Variants in TEX101 observed in about 807,000 individuals in gnomAD.
The protein encoded by TEX101 is testis expressed 101, also known as testis-expressed protein 101.
In TEX101, 10 loss-of-function variants were observed where a neutral mutation model predicts 18.1. That is an observed-to-expected ratio of 0.55 (90% CI 0.34 to 0.94). The LOEUF (loss-of-function observed/expected upper bound fraction) is 0.94. TEX101 is among the 40% of genes least tolerant of loss of function. The pLI, the probability that TEX101 is intolerant of heterozygous loss-of-function variation, is 0.02. For missense variants in TEX101, 259 were observed against 298.9 expected, an observed-to-expected ratio of 0.87 and a Z score of 0.98; for synonymous variants, 94 against 114.8, an observed-to-expected ratio of 0.82 and a Z score of 1.16.
upstream of TEX101, among the ~76,000 whole-genome samples, chr19:43,411,386 T>G (rs995157433): frequency 6.6e-6 from 1 of 151,886 alleles, no homozygotes; most frequent in African/African-American, 2.4e-5. Context: ...CATTAGAAAG[T>G]TTTAAACAGG....
upstream of TEX101, among the ~76,000 whole-genome samples, chr19:43,399,133 C>T (rs986115624): frequency 1.1e-4 from 17 of 152,188 alleles, no homozygotes; most frequent in African/African-American, 4.1e-4. Context: ...ATTTCACTGA[C>T]TTCACTCTAA....
exon 3 of TEX101, chr19:43,406,338 AGACGCTATTCC>A: frequency 1.7e-6 from 1 of 601,298 alleles, no homozygotes; most frequent in Non-Finnish European, 3.0e-6. Context: ...GCGAATGGAT[AGACGCTATTCC>A]CACCGTCCCT....
At chr19:43,406,401 C>A (rs112447525) in exon 3 of TEX101, 2 of 716,598 alleles carry the variant, frequency 2.8e-6, no homozygotes, top group South Asian at 1.5e-5. Flanking sequence ...ACAGGCTTGG[C>A]GGAACCTGCG....
upstream of TEX101, among the ~76,000 whole-genome samples, chr19:43,414,289 A>C (rs1209044549): frequency 6.6e-6 from 1 of 152,202 alleles, no homozygotes; most frequent in Non-Finnish European, 1.5e-5. Flanking sequence ...CTGTGCCATC[A>C]TAGCTACTGC....
At chr19:43,414,631 G>A (rs1031252827), upstream of TEX101, among the ~76,000 whole-genome samples, 2 of 152,206 alleles carry the variant, frequency 1.3e-5, no homozygotes, top group African/African-American at 4.8e-5. Context: ...AATGGGCCAG[G>A]CGAGGCCATC....
chr19:43,390,367 G>A, the TEX101 span, among the ~76,000 whole-genome samples: 1 of 149,738 alleles, frequency 6.7e-6, no homozygotes, highest in Non-Finnish European at 1.5e-5. Context: ...AAAACAATAG[G>A]AATTATTGTA....
chr19:43,408,219 G>C (rs11669789), intron 3 of TEX101, among the ~76,000 whole-genome samples: 39,175 of 152,196 alleles, frequency 0.26, 5,565 homozygotes, highest in East Asian at 0.58. Context: ...TGCGCTTCCG[G>C]GGGTGGAGAG....
upstream of TEX101, among the ~76,000 whole-genome samples, chr19:43,410,959 C>G (rs1192072263): frequency 6.6e-6 from 1 of 152,206 alleles, no homozygotes; most frequent in African/African-American, 2.4e-5. Flanking sequence ...CAACTGCAAC[C>G]TCCACCTCCT....
the TEX101 span, among the ~76,000 whole-genome samples, chr19:43,389,374 G>A: frequency 4.6e-5 from 7 of 152,226 alleles, no homozygotes; most frequent in Admixed American, 3.9e-4. Flanking sequence ...GCATGGCACC[G>A]ATTTGCTTTT....
At chr19:43,417,030 C>CA (rs746528568) in intron 4 of TEX101, among the ~76,000 whole-genome samples, 6,563 of 70,334 alleles carry the variant, frequency 0.093, 555 homozygotes, top group African/African-American at 0.26. Context: ...AAGACTCCAT[C>CA]AAAAAAAAAA....
Position 43,418,355 on chromosome 19 carries a change from ACTG to A in TEX101, c.713_715del (p.Leu238del). Reference sequence around the variant, plus strand: ...CCATTCCTGTTTGGGGGTTACAGCTACTGCTGCCATTGCTGCTGCCATCATTTA... The same window carrying A: ...CCATTCCTGTTTGGGGGTTACAGCTACTGCCATTGCTGCTGCCATCATTTA... On this transcript the variant is annotated inframe_deletion, in exon 6 of 6. Coordinates refer to ENST00000598265, the MANE Select transcript of TEX101 (RefSeq NM_001130011.3). 6.2e-7 allele frequency: 1 copy of A among 1,614,092 alleles called. No individual in the cohort carries two copies. Among genetic ancestry groups the A allele is most frequent in the Non-Finnish European group, 8.5e-7 (1 of 1,179,974 alleles).
Position 43,406,633 on chromosome 19 carries a change from C to T in TEX101, c.15+114C>T, listed in dbSNP as rs953085064. ...AGAGACTCTGGCTTCTGGCGCCAAG[C>T]CTTAGCCAAGCTCACCAGGGGCAGC... is the stretch of plus-strand genomic sequence containing the variant. On this transcript the variant is annotated intron_variant, in intron 3 of 7. Coordinates refer to the TEX101 transcript ENST00000602198. The T allele has an allele frequency of 5.1e-6, 3 of 586,874 alleles. No homozygotes were observed. In the East Asian group the frequency reaches 9.5e-5, roughly 19 times the overall value. 36.4% of individuals were successfully genotyped at this position (586,874 alleles called of 1,614,324 possible).
rs1393928038 is a variant in TEX101 at position 43,416,490 on chromosome 19, G to C, written c.326G>C (p.Cys109Ser). 1.9e-6 allele frequency: 3 copies of C among 1,614,070 alleles called. No homozygotes were observed. Among genetic ancestry groups the C allele is most frequent in the African/African-American group, 1.3e-5 (1 of 74,932 alleles). The change falls in exon 4 of 6, where the codon TGT becomes TCT. Residue 109 changes from cysteine to serine, a missense_variant. Transcript: ENST00000598265. ...GLIVTSYSNYCEDSFCNDKDS... is the reference protein window; with the variant it reads ...GLIVTSYSNYSEDSFCNDKDS... ...ATCGTGACCTCCTACAGTAACTACT[G>C]TGAGGATTCCTTCTGTAATGACAAA... is the stretch of plus-strand genomic sequence containing the variant.
At chr19:43,393,706 T>C in the TEX101 span, among the ~76,000 whole-genome samples, 6 of 152,096 alleles carry the variant, frequency 3.9e-5, no homozygotes, top group African/African-American at 1.4e-4. Flanking sequence ...ATAACATGGA[T>C]TGTTAATTTA....
intron 3 of TEX101, among the ~76,000 whole-genome samples, chr19:43,407,030 C>T (rs1317845087): frequency 6.7e-6 from 1 of 149,536 alleles, no homozygotes; most frequent in East Asian, 2.0e-4. Flanking sequence ...ATGTGATCGG[C>T]GCTTAAGTGA....
the TEX101 span, among the ~76,000 whole-genome samples, chr19:43,394,353 GATT>G: frequency 5.5e-4 from 83 of 152,178 alleles, no homozygotes; most frequent in African/African-American, 2.0e-3. Context: ...TTCTTGCAAA[GATT>G]ATTTCTGTCA....
chr19:43,391,709 T>C, the TEX101 span, among the ~76,000 whole-genome samples: 1 of 152,162 alleles, frequency 6.6e-6, no homozygotes, highest in Non-Finnish European at 1.5e-5. Context: ...ATGATGTGGA[T>C]CATGGCTCAT....
chr19:43,404,833 A>C (rs1179918687), intron 2 of TEX101, among the ~76,000 whole-genome samples: 1 of 151,808 alleles, frequency 6.6e-6, no homozygotes, highest in East Asian at 1.9e-4. Context: ...AAATTTTAAA[A>C]TATATAAGAA....
the TEX101 span, among the ~76,000 whole-genome samples, chr19:43,394,030 C>CCTT: frequency 5.9e-5 from 9 of 151,438 alleles, no homozygotes; most frequent in African/African-American, 2.2e-4. Flanking sequence ...AAAATCCAAA[C>CCTT]CTAGGGAATT....
Sources: allele counts gnomAD v4.1 joint callset (sites outside exome capture counted in the v4.1 genomes callset), GRCh38; gene constraint gnomAD v4.1.1; transcripts MANE v1.5; gene names NCBI Gene and HGNC (gene_info 2026-07-23, HGNC 2026-07-21).